The following F10 variants were observed in gnomAD, a reference collection of about 807,000 sequenced individuals.
The protein encoded by F10 is coagulation factor X.
A neutral mutation model predicts 37.1 loss-of-function variants in F10; 29 were observed. The ratio of observed to expected loss-of-function variants is 0.78; its 90% CI spans 0.58 to 1.07. The LOEUF (loss-of-function observed/expected upper bound fraction) is 1.07, where lower values mean the gene tolerates loss of function less well. Ranked by LOEUF, F10 falls within the 50% of genes least tolerant of loss-of-function variation. The probability of loss-of-function intolerance (pLI) is 0.00; values close to 1 mark genes in which losing one functional copy is unlikely to be tolerated. For synonymous variants in F10, 262 were observed against 268.6 expected, an observed-to-expected ratio of 0.98 and a Z score of 0.24; for missense variants, 539 against 667.9, an observed-to-expected ratio of 0.81 and a Z score of 2.13.
intron 2 of F10, among the ~76,000 whole-genome samples, chr13:113,134,818 T>C (rs1164330718): frequency 6.6e-6 from 1 of 152,232 alleles, no homozygotes; most frequent in African/African-American, 2.4e-5. Flanking sequence ...TACTTATATG[T>C]AAAGCTAATA....
rs1644669385 is a variant in F10 at position 113,139,392 on chromosome 13, C to G, written c.292C>G (p.Gln98Glu). The G allele has an allele frequency of 1.2e-6, 2 of 1,613,890 alleles. No individual in the cohort carries two copies. Among genetic ancestry groups the G allele is most frequent in the Non-Finnish European group, 1.7e-6 (2 of 1,179,860 alleles). Residue 98 changes from glutamine (Q) to glutamate (E), a missense_variant, in exon 4 of 8, where the codon CAG becomes GAG. By Grantham distance (29) the Gln-to-Glu change is conservative. Transcript: ENST00000375559. This position sits in a 1 kb window ranked among gnomAD's most constrained non-coding sequence, Gnocchi z 5.2. ...DQCETSPCQN[Q>E]GKCKDGLGEY... Reference sequence around the variant, plus strand: ...GTGTGAGACCAGTCCTTGCCAGAACCAGGGCAAATGTAAAGACGGCCTCGG... The same window carrying G: ...GTGTGAGACCAGTCCTTGCCAGAACGAGGGCAAATGTAAAGACGGCCTCGG...
chr13:113,135,859 A>C (rs2036474242), intron 2 of F10, among the ~76,000 whole-genome samples: 1 of 152,236 alleles, frequency 6.6e-6, no homozygotes, highest in East Asian at 1.9e-4. Context: ...TTGACACCAA[A>C]AGAATGATTA....
chr13:113,125,343 A>G (rs2036359988), intron 1 of F10, among the ~76,000 whole-genome samples: 1 of 152,226 alleles, frequency 6.6e-6, no homozygotes, highest in African/African-American at 2.4e-5. Context: ...ATGAGTTTGG[A>G]CCTTACTGAC....
At chr13:113,135,908 TAA>T (rs1203345281) in intron 2 of F10, among the ~76,000 whole-genome samples, 5 of 152,132 alleles carry the variant, frequency 3.3e-5, no homozygotes, top group African/African-American at 1.2e-4. Context: ...TTATCAAAAT[TAA>T]AACCTTTTGC....
rs1035638252 is a variant in F10 at position 113,143,074 on chromosome 13, C to T, written c.503-777C>T. ...GATTCACCGGAGCCTCCTCAGACTG[C>T]GCAGGAGCACAGCAAGTAAACAGCT... On this transcript the variant is annotated intron_variant, in intron 5 of 7. Coordinates refer to ENST00000375559, the MANE Select transcript of F10 (RefSeq NM_000504.4). The surrounding 1 kb of genome is among the most constrained non-coding windows in gnomAD (Gnocchi z 6.8). Among the ~76,000 whole-genome samples the T allele has an allele frequency of 2.6e-5, 4 of 152,172 alleles. No homozygotes were observed. The highest frequency in any genetic ancestry group is 4.1e-4 in the South Asian group (2 of 4,826).
rs3211768 is a variant in F10 at position 113,139,269 on chromosome 13, C to T, written c.257-88C>T. The T allele has an allele frequency of 1.2e-3, 1,195 of 1,031,346 alleles. 13 individuals carry two copies. The African/African-American group carries it at 0.012, about 10-fold the overall frequency. 63.9% of individuals were successfully genotyped at this position (1,031,346 alleles called of 1,614,324 possible). On this transcript the variant is annotated intron_variant, in intron 3 of 7. Coordinates refer to ENST00000375559, the MANE Select transcript of F10 (RefSeq NM_000504.4). The surrounding 1 kb of genome is among the most constrained non-coding windows in gnomAD (Gnocchi z 5.2). ...CGGAAGACTCTTCCAGTTATCTGAA[C>T]GGCAGGGCCAAGGTTAGCACAGCAA...
Position 113,143,979 on chromosome 13 carries a change from A to C in F10, c.631A>C (p.Thr211Pro). Residue 211 changes from threonine (T) to proline (P), a missense_variant, in exon 6 of 8, where the codon ACC (threonine) becomes CCC (proline). Coordinates refer to ENST00000375559, the MANE Select transcript of F10 (RefSeq NM_000504.4). This position sits in a 1 kb window ranked among gnomAD's most constrained non-coding sequence, Gnocchi z 6.8. ...KPYDAADLDP[T>P]ENPFDLLDFN... ...ATATGATGCAGCCGACCTGGACCCC[A>C]CCGAGAACCCCTTCGACCTGCTTGA... 1 of 1,613,596 alleles carries C rather than the reference A, an allele frequency of 6.2e-7. No individual in the cohort carries two copies. Among genetic ancestry groups the C allele is most frequent in the Non-Finnish European group, 8.5e-7 (1 of 1,179,988 alleles).
chr13:113,136,348 C>T (rs1331695939), intron 2 of F10, among the ~76,000 whole-genome samples: 1 of 152,020 alleles, frequency 6.6e-6, no homozygotes, highest in Non-Finnish European at 1.5e-5. Context: ...ATAAGGTTAC[C>T]ACAGGACTCG....
At chr13:113,148,217 G>A (rs964877003) in intron 7 of F10, among the ~76,000 whole-genome samples, 1 of 151,568 alleles carries the variant, frequency 6.6e-6, no homozygotes, top group South Asian at 2.1e-4. Flanking sequence ...TGTAATCCCA[G>A]CTACTTGGGA....
chr13:113,132,678 A>G (rs2036445282), intron 2 of F10, among the ~76,000 whole-genome samples: 1 of 152,230 alleles, frequency 6.6e-6, no homozygotes, highest in African/African-American at 2.4e-5. Flanking sequence ...TAAGACTACA[A>G]TTAGATGTAT....
chr13:113,149,356 A>C lies in F10; in HGVS notation c.1306A>C (p.Ile436Leu). 10 of 1,613,380 alleles carry C rather than the reference A, an allele frequency of 6.2e-6. No homozygotes were observed. The highest frequency in any genetic ancestry group is 8.5e-6 in the Non-Finnish European group (10 of 1,179,974). ...CAAGGACACCTACTTCGTGACAGGC[A>C]TCGTCAGCTGGGGAGAGGGCTGTGC... ...RFKDTYFVTG[I>L]VSWGEGCARK... Residue 436 changes from isoleucine to leucine, a missense_variant, in exon 8 of 8, where the codon ATC (isoleucine) becomes CTC (leucine). By Grantham distance (5) the Ile-to-Leu change is conservative. Around this residue, in one of 2 missense-constraint regions of F10, gnomAD observed 409 missense variants for 547.9 expected, o/e 0.75. Transcript: ENST00000375559. This position sits in a 1 kb window ranked among gnomAD's most constrained non-coding sequence, Gnocchi z 7.5.
intron 2 of F10, chr13:113,130,326 T>C (rs549665159): frequency 3.9e-3 from 603 of 154,350 alleles, no homozygotes; most frequent in Non-Finnish European, 6.2e-3. Context: ...CGGAAGACGC[T>C]ACCCTCCTCT....
Position 113,143,791 on chromosome 13 carries a change from G to A in F10, c.503-60G>A, listed in dbSNP as rs531244016. The A allele has an allele frequency of 1.4e-5, 22 of 1,602,426 alleles. No homozygotes were observed. Among genetic ancestry groups the A allele is most frequent in the South Asian group, 2.2e-5 (2 of 90,690 alleles). ...TGACTCTTCTCCCTCAGGGTGAGCT[G>A]TGCAGGCTATGGGGAGCCTCTCTCT... On this transcript the variant is annotated intron_variant, in intron 5 of 7. Coordinates refer to ENST00000375559, the MANE Select transcript of F10 (RefSeq NM_000504.4). This position sits in a 1 kb window ranked among gnomAD's most constrained non-coding sequence, Gnocchi z 6.8.
At chr13:113,147,210 G>T (rs1008609882) in intron 6 of F10, among the ~76,000 whole-genome samples, 169 bp from the exon 7 acceptor site, 4 of 152,200 alleles carry the variant, frequency 2.6e-5, no homozygotes, top group African/African-American at 9.7e-5. Context: ...TGTGGCACAG[G>T]CAGAGAAAAG....
intron 1 of F10, chr13:113,128,925 C>T (rs3213000): frequency 0.016 from 2,405 of 150,000 alleles, 24 homozygotes; most frequent in Middle Eastern, 0.035. Context: ...GCTAGACTCT[C>T]AGCTCAGAAA....
At chr13:113,148,399 T>TACAC (rs10672302) in intron 7 of F10, among the ~76,000 whole-genome samples, 3,217 of 138,592 alleles carry the variant, frequency 0.023, 98 homozygotes, top group African/African-American at 0.065. Flanking sequence ...TACATATATA[T>TACAC]ACACACACAC....
chr13:113,130,959 C>T (rs1259375605), intron 2 of F10: 1 of 152,290 alleles, frequency 6.6e-6, no homozygotes, highest in Non-Finnish European at 1.5e-5. Context: ...CCTCCTGGCT[C>T]ACATGTTGCC....
rs900999836 is a variant in F10 at position 113,139,270 on chromosome 13, G to A, written c.257-87G>A. On this transcript the variant is annotated intron_variant, in intron 3 of 7. Coordinates refer to ENST00000375559, the MANE Select transcript of F10 (RefSeq NM_000504.4). The surrounding 1 kb of genome is among the most constrained non-coding windows in gnomAD (Gnocchi z 5.2). ...GGAAGACTCTTCCAGTTATCTGAAC[G>A]GCAGGGCCAAGGTTAGCACAGCAAA... 34 of 1,044,770 alleles carry A rather than the reference G, an allele frequency of 3.3e-5. No individual in the cohort carries two copies. In the African/African-American group the frequency reaches 3.9e-4, roughly 12 times the overall value. 64.7% of individuals were successfully genotyped at this position (1,044,770 alleles called of 1,614,324 possible).
chr13:113,129,609 G>C lies in F10; in HGVS notation c.228G>C (p.Lys76Asn). 3 of 1,614,144 alleles carry C rather than the reference G, an allele frequency of 1.9e-6. No homozygotes were observed. Among genetic ancestry groups the C allele is most frequent in the Non-Finnish European group, 2.5e-6 (3 of 1,180,030 alleles). ...EAREVFEDSDKTNEFWNKYKD... is the reference protein window; with the variant it reads ...EAREVFEDSDNTNEFWNKYKD... ...GCGAGGTCTTTGAGGACAGCGACAA[G>C]ACGGTAAGGGCTGGGGATAGCCTGG... Residue 76 changes from lysine to asparagine, a missense_variant, in exon 2 of 8, where the codon AAG becomes AAC. Lys to Asn is a moderately conservative substitution (Grantham distance 94). Transcript: ENST00000375559.
Sources: gnomAD v4.1 joint callset for allele counts (sites outside exome capture counted in the v4.1 genomes callset) on GRCh38, gnomAD v4.1.1 for gene constraint, gnomAD v4.1.1 regional missense constraint, Gnocchi (gnomAD v3.1) non-coding constraint, MANE v1.5 for transcripts, NCBI Gene and HGNC (gene_info 2026-07-23, HGNC 2026-07-21) for gene names.